Variants in PAX2 observed in about 807,000 individuals in gnomAD.
The protein encoded by PAX2 is paired box 2.
Under a neutral mutation model 41.7 loss-of-function variants are expected in PAX2, and 9 were observed. That is an observed-to-expected ratio of 0.22 (90% confidence interval 0.13 to 0.38). The LOEUF is 0.38. Ranked by LOEUF, PAX2 falls within the 10% of genes least tolerant of loss-of-function variation. The pLI, the probability that PAX2 is intolerant of heterozygous loss-of-function variation, is 1.00. For synonymous variants in PAX2, 221 were observed against 212.7 expected (o/e 1.04, Z -0.34); for missense variants, 418 against 531.6 (o/e 0.79, Z 2.10).
chr10:100,773,277 G>A (rs1171861263), intron 3 of PAX2, among the ~76,000 whole-genome samples: 1 of 152,032 alleles, frequency 6.6e-6, no homozygotes. Context: ...ACAGTTTTTT[G>A]TTTTTGTTTT....
At chr10:100,789,062 A>C (rs940309325) in intron 5 of PAX2, among the ~76,000 whole-genome samples, 1 of 152,120 alleles carries the variant, frequency 6.6e-6, no homozygotes, top group African/African-American at 2.4e-5. Flanking sequence ...CACTGTAAGA[A>C]GGCATTTATG....
chr10:100,761,305 A>G (rs556781520), intron 3 of PAX2, among the ~76,000 whole-genome samples: 1 of 152,126 alleles, frequency 6.6e-6, no homozygotes, highest in African/African-American at 2.4e-5. Flanking sequence ...CCTCCTAGAA[A>G]CAATGCTCAC....
rs754968736 is a variant in PAX2, at chr10:100,746,268, T to C, written c.8T>C (p.Met3Thr). The change falls in exon 1 of 10, where the codon ATG becomes ACG. Residue 3 changes from methionine to threonine, a missense_variant. Met to Thr is a moderately conservative substitution (Grantham distance 81, BLOSUM62 -1). Transcript: ENST00000355243. ...CCGCTCCTCTGCCTCCCCATGGATA[T>C]GCACTGCAAAGCAGACCCCTTCTCC... is the stretch of plus-strand genomic sequence containing the variant. MDMHCKADPFSAM... is the reference protein window; with the variant it reads MDTHCKADPFSAM... 4 of 1,613,544 alleles carry C rather than the reference T, an allele frequency of 2.5e-6. No homozygotes were observed. The Admixed American group carries it at 6.7e-5, about 27-fold the overall frequency.
intron 3 of PAX2, among the ~76,000 whole-genome samples, chr10:100,775,532 G>A (rs1473846911): frequency 1.3e-5 from 2 of 152,172 alleles, no homozygotes; most frequent in South Asian, 2.1e-4. Context: ...CCACCAAGCC[G>A]CTGTCAGGGA....
chr10:100,788,885 T>C (rs1589857619), intron 5 of PAX2, among the ~76,000 whole-genome samples: 2 of 151,816 alleles, frequency 1.3e-5, no homozygotes, highest in African/African-American at 2.4e-5. Context: ...CCGACACACA[T>C]ACATGCACAC....
chr10:100,822,499 C>T lies in PAX2; in HGVS notation c.920-2149C>T, dbSNP rs144527264. Among the ~76,000 whole-genome samples the T allele has an allele frequency of 1.0e-3, 155 of 152,282 alleles. 1 individual carries two copies. The highest frequency in any genetic ancestry group is 3.4e-3 in the African/African-American group (143 of 41,560). On this transcript the variant is annotated intron_variant, in intron 7 of 9. Transcript: ENST00000355243. ...ACAAGTGTTTATTGAGCATCTACCA[C>T]GTTCTCAACTATGCAGGATAAAGCA...
At chr10:100,760,611 G>A (rs2133857333) in intron 3 of PAX2, among the ~76,000 whole-genome samples, 1 of 152,298 alleles carries the variant, frequency 6.6e-6, no homozygotes. Flanking sequence ...TTTCTTGTGT[G>A]TCTGCTGACG....
chr10:100,813,214 T>C (rs887722200), intron 7 of PAX2, among the ~76,000 whole-genome samples: 1 of 152,196 alleles, frequency 6.6e-6, no homozygotes, highest in African/African-American at 2.4e-5. Flanking sequence ...TGGCCTCTAG[T>C]GGGCATTGCT....
intron 5 of PAX2, among the ~76,000 whole-genome samples, chr10:100,796,915 C>A (rs1041442824): frequency 6.6e-6 from 1 of 152,200 alleles, no homozygotes; most frequent in Non-Finnish European, 1.5e-5. Context: ...CTTCTCTGAG[C>A]CTGGCTTTTG....
chr10:100,795,400 G>A (rs1381556689), intron 5 of PAX2, among the ~76,000 whole-genome samples: 2 of 152,192 alleles, frequency 1.3e-5, no homozygotes, highest in African/African-American at 2.4e-5. Context: ...AAGGCATGAA[G>A]TCATATGATG....
In PAX2 at chr10:100,750,048, G is replaced by A. The variant is rs149938594; in HGVS notation, c.212+134G>A. 2 of 1,049,450 alleles carry A rather than the reference G, an allele frequency of 1.9e-6. 1 individual carries two copies. Among genetic ancestry groups the A allele is most frequent in the Non-Finnish European group, 2.8e-6 (2 of 726,130 alleles). 65.0% of individuals were successfully genotyped at this position (1,049,450 alleles called of 1,614,324 possible). ...GGAGATCCCCAAAGGGGTCTGGAGA[G>A]GTGCTCCTTTTGGAGAGAGTGTTCA... On this transcript the variant is annotated intron_variant, in intron 2 of 9. Coordinates refer to ENST00000355243, the MANE Select transcript of PAX2 (RefSeq NM_000278.5). The surrounding 1 kb of genome is among the most constrained non-coding windows in gnomAD (Gnocchi z 4.1).
chr10:100,800,264 CTT>C (rs1211220784), intron 5 of PAX2, among the ~76,000 whole-genome samples: 1 of 124,874 alleles, frequency 8.0e-6, no homozygotes, highest in Non-Finnish European at 1.6e-5. Context: ...TTTTTCTTTT[CTT>C]TTCTTTCTTT....
rs934663711 is a variant in PAX2 at position 100,748,535 on chromosome 10, G to C, written c.44-1211G>C. ...GGGCTGCAGCTTGCCAGTCCGGGCC[G>C]ACCCGACTCGGCCGCTAGAAGTCTC... On this transcript the variant is annotated intron_variant, in intron 1 of 9. Transcript: ENST00000355243. This position sits in a 1 kb window ranked among gnomAD's most constrained non-coding sequence, Gnocchi z 5.0. 4.5e-5 allele frequency: 44 copies of C among 985,394 alleles called. No individual in the cohort carries two copies. The highest frequency in any genetic ancestry group is 5.2e-4 in the Middle Eastern group (1 of 1,914). The allele number at this position is 985,394 out of a possible 1,614,324, so 61.0% of individuals were successfully genotyped here. A position where few individuals can be genotyped will look rare whatever the true frequency, so the allele number is the denominator to read the frequency against.
In PAX2 at chr10:100,809,222, A is replaced by C; in HGVS notation, c.905A>C (p.Tyr302Ser). ...LGSNVSGTQTYPVVTGRDMAS... is the reference protein window; with the variant it reads ...LGSNVSGTQTSPVVTGRDMAS... ...AGCAACGTGTCAGGCACACAGACAT[A>C]CCCAGTTGTGACTGGTAAGGGGGCT... Residue 302 changes from tyrosine (Y) to serine (S), a missense_variant, in exon 7 of 10, where the codon TAC (tyrosine) becomes TCC (serine). Tyr to Ser is a moderately radical substitution (Grantham distance 144). This residue lies in a region of PAX2 where 310 missense variants were observed against 325.2 expected (regional missense o/e 0.95). Coordinates refer to ENST00000355243, the MANE Select transcript of PAX2 (RefSeq NM_000278.5). 1 of 1,613,584 alleles carries C rather than the reference A, an allele frequency of 6.2e-7. No homozygotes were observed. Among genetic ancestry groups the C allele is most frequent in the East Asian group, 2.2e-5 (1 of 44,866 alleles).
intron 7 of PAX2, among the ~76,000 whole-genome samples, chr10:100,818,411 C>T (rs375281443): frequency 6.6e-6 from 1 of 152,166 alleles, no homozygotes; most frequent in Non-Finnish European, 1.5e-5. Flanking sequence ...TTTTGCTGTG[C>T]TTTGTATCAT....
At chr10:100,792,838 G>A (rs564957377) in intron 5 of PAX2, among the ~76,000 whole-genome samples, 31 of 152,146 alleles carry the variant, frequency 2.0e-4, no homozygotes, top group Admixed American at 1.0e-3. Flanking sequence ...CAGCCCTGGC[G>A]GTGTGGCAGT....
chr10:100,783,260 G>A (rs1351309692), intron 5 of PAX2, among the ~76,000 whole-genome samples: 1 of 152,224 alleles, frequency 6.6e-6, no homozygotes, highest in African/African-American at 2.4e-5. Context: ...TCCCAAAGCA[G>A]AACAAGATAT....
rs4919497 is a variant in PAX2 at position 100,806,647 on chromosome 10, G to A, written c.792+42G>A. The A allele has an allele frequency of 9.9e-4, 1,547 of 1,568,948 alleles. 35 individuals are homozygous for A. The Admixed American group carries it at 0.025, about 25-fold the overall frequency. On this transcript the variant is annotated intron_variant, in intron 6 of 9. Coordinates refer to ENST00000355243, the MANE Select transcript of PAX2 (RefSeq NM_000278.5). ...CTGCTTGCAGAAGTAGAAAGGAGCC[G>A]GCAGAGCAAGGCCTCTCAAAAACTT...
exon 1 of PAX2, chr10:100,735,577 C>A (rs1844759476): frequency 4.2e-6 from 3 of 719,566 alleles, no homozygotes; most frequent in African/African-American, 1.8e-5. Context: ...TTATCTGAGC[C>A]GCTTGGTGTT....
Sources: allele counts gnomAD v4.1 joint callset (sites outside exome capture counted in the v4.1 genomes callset), GRCh38; gene constraint gnomAD v4.1.1; regional missense constraint gnomAD v4.1.1; non-coding constraint Gnocchi (gnomAD v3.1); transcripts MANE v1.5; gene names NCBI Gene and HGNC (gene_info 2026-07-23, HGNC 2026-07-21).